TMEM164: variants seen among roughly 807,000 people sequenced by gnomAD.
TMEM164 encodes RP13-360B22.2.
In TMEM164, 4 loss-of-function variants were observed where a neutral mutation model predicts 18.8. The observed-to-expected ratio is 0.21, with a 90% CI of 0.10 to 0.49. The LOEUF (loss-of-function observed/expected upper bound fraction) is 0.49, where lower values mean the gene tolerates loss of function less well. Among genes scored for constraint, TMEM164 ranks in the 20% least tolerant of loss-of-function variants. TMEM164 has a pLI of 0.98. For synonymous variants in TMEM164, 86 were observed against 101.7 expected, an observed-to-expected ratio of 0.85 and a Z score of 0.93; for missense variants, 108 against 239.9, an observed-to-expected ratio of 0.45 and a Z score of 3.63.
intron 3 of TMEM164, among the ~76,000 whole-genome samples, chrX:110,074,349 G>A (rs1205924043): frequency 9.0e-6 from 1 of 111,353 alleles, no homozygotes; most frequent in African/African-American, 3.3e-5. Flanking sequence ...TATAGATTTG[G>A]GTTATTAGAT....
rs777565300 is a variant in TMEM164 at position 110,074,849 on chromosome X, T to C, written c.440+7453T>C. On this transcript the variant is annotated intron_variant, in intron 3 of 6. Transcript: ENST00000372068. ...TTTTTGTACCACTACCATGCTGTTT[T>C]GGTTACTGTAGCCTTGTAGTATAGT... is the stretch of plus-strand genomic sequence containing the variant. Among the ~76,000 whole-genome samples, 6 of 112,288 alleles carry C rather than the reference T, an allele frequency of 5.3e-5. No individual in the cohort carries two copies. In the South Asian group the frequency reaches 1.1e-3, roughly 21 times the overall value.
chrX:110,132,009 T>C (rs1477749155), intron 4 of TMEM164, among the ~76,000 whole-genome samples: 3 of 111,531 alleles, frequency 2.7e-5, no homozygotes, highest in Non-Finnish European at 3.8e-5. Context: ...ACTTTATTTC[T>C]TTTCCATCAG....
intron 4 of TMEM164, among the ~76,000 whole-genome samples, chrX:110,124,017 G>A (rs1304652761): frequency 1.8e-5 from 2 of 110,243 alleles, no homozygotes; most frequent in Admixed American, 2.0e-4. Context: ...TTGGGAGGCT[G>A]AGGCAGGAGG....
intron 3 of TMEM164, among the ~76,000 whole-genome samples, chrX:110,104,911 A>G (rs1362278548): frequency 9.0e-6 from 1 of 111,198 alleles, no homozygotes; most frequent in Admixed American, 9.6e-5. Context: ...CAATACAAAG[A>G]CCAATACTCT....
At chrX:110,029,950 T>A (rs184511216) in intron 2 of TMEM164, among the ~76,000 whole-genome samples, 28 of 110,126 alleles carry the variant, frequency 2.5e-4, no homozygotes, top group Admixed American at 2.1e-3. Context: ...TCTCTTTTTT[T>A]AAAAAAAACT....
intron 3 of TMEM164, among the ~76,000 whole-genome samples, chrX:110,088,996 G>A (rs972968701): frequency 3.6e-5 from 4 of 111,454 alleles, no homozygotes; most frequent in African/African-American, 1.3e-4. Context: ...AATCTACTGT[G>A]CTATATATTT....
chrX:110,106,224 G>C (rs1372181315), intron 3 of TMEM164, among the ~76,000 whole-genome samples: 4 of 111,372 alleles, frequency 3.6e-5, no homozygotes, highest in Non-Finnish European at 7.5e-5. Context: ...CTTGATGTTA[G>C]TTTTATCTTC....
intron 5 of TMEM164, among the ~76,000 whole-genome samples, chrX:110,169,568 C>T (rs1390939312): frequency 8.9e-6 from 1 of 111,829 alleles, no homozygotes; most frequent in Non-Finnish European, 1.9e-5. Context: ...ATCACCTCAC[C>T]TTACTGCTTC....
At chrX:110,137,545 C>G (rs1020698877) in intron 4 of TMEM164, among the ~76,000 whole-genome samples, 3 of 112,207 alleles carry the variant, frequency 2.7e-5, no homozygotes, top group African/African-American at 9.7e-5. Context: ...CCCTCTGCCT[C>G]AAGTAGCAAA....
downstream of TMEM164, among the ~76,000 whole-genome samples, chrX:110,180,310 G>A (rs2067318451): frequency 8.9e-6 from 1 of 112,519 alleles, no homozygotes; most frequent in African/African-American, 3.2e-5. Context: ...GTTACAACCT[G>A]ATCCCCCAAT....
At chrX:110,117,321 C>T (rs944090911) in intron 4 of TMEM164, among the ~76,000 whole-genome samples, 3 of 112,661 alleles carry the variant, frequency 2.7e-5, no homozygotes, top group Non-Finnish European at 5.6e-5. Flanking sequence ...AGCCATATGA[C>T]CGCCTTTTGG....
chrX:110,135,791 A>T (rs929504820), intron 4 of TMEM164, among the ~76,000 whole-genome samples: 4 of 111,981 alleles, frequency 3.6e-5, no homozygotes, highest in Non-Finnish European at 7.5e-5. Flanking sequence ...ATTTCTCCAT[A>T]TTCACTTCCT....
At chrX:110,103,289 G>T (rs2066138923) in intron 3 of TMEM164, among the ~76,000 whole-genome samples, 1 of 112,334 alleles carries the variant, frequency 8.9e-6, no homozygotes, top group Non-Finnish European at 1.9e-5. Flanking sequence ...AAGGCCACTT[G>T]GGAAAGACAT....
chrX:110,138,743 G>C (rs2148048337), intron 4 of TMEM164, among the ~76,000 whole-genome samples: 1 of 112,235 alleles, frequency 8.9e-6, no homozygotes, highest in East Asian at 2.8e-4. Flanking sequence ...AGTATTTCTA[G>C]TTGTGCAGGT....
At chrX:110,026,219 G>A (rs1181679255) in intron 2 of TMEM164, among the ~76,000 whole-genome samples, 3 of 112,146 alleles carry the variant, frequency 2.7e-5, no homozygotes, top group Non-Finnish European at 5.6e-5. Context: ...TTCTTTTGAC[G>A]ATGGAGATTA....
chrX:110,042,520 T>G (rs1375151597), intron 2 of TMEM164, among the ~76,000 whole-genome samples: 5 of 111,793 alleles, frequency 4.5e-5, no homozygotes, highest in Admixed American at 2.8e-4. Context: ...TGTTTTCAGT[T>G]CTTTTGGGTA....
intron 2 of TMEM164, among the ~76,000 whole-genome samples, chrX:110,014,142 AATG>A (rs60030480): frequency 9.2e-6 from 1 of 108,663 alleles, no homozygotes; most frequent in Admixed American, 1.0e-4. Context: ...AATACATTTA[AATG>A]ATGATGATGA....
rs2066886904 is a variant in TMEM164, at chrX:110,148,318, C to T, written c.586+3442C>T. Among the ~76,000 whole-genome samples, 3 of 110,144 alleles carry T rather than the reference C, an allele frequency of 2.7e-5. No homozygotes were observed. The Admixed American group carries it at 2.9e-4, about 11-fold the overall frequency. On this transcript the variant is annotated intron_variant, in intron 5 of 6. Transcript: ENST00000372068. ...GGTTTTGGGATGGAAATTTCCTCAA[C>T]ACTTCTCTCTACCTCTACAAGCTTC...
At chrX:110,135,613 C>G (rs1336908598) in intron 4 of TMEM164, among the ~76,000 whole-genome samples, 2 of 111,633 alleles carry the variant, frequency 1.8e-5, no homozygotes, top group Non-Finnish European at 3.8e-5. Context: ...TGTACTGTAT[C>G]TTGGGGTTTC....
Sources: gnomAD v4.1 joint callset for allele counts (sites outside exome capture counted in the v4.1 genomes callset) on GRCh38, gnomAD v4.1.1 for gene constraint, MANE v1.5 for transcripts, NCBI Gene and HGNC (gene_info 2026-07-23, HGNC 2026-07-21) for gene names.